GRAP2: variants seen among roughly 807,000 people sequenced by gnomAD.
GRAP2 encodes the protein GRB2 related adaptor protein 2.
A neutral mutation model predicts 43.5 loss-of-function variants in GRAP2; 31 were observed. The observed-to-expected ratio is 0.71, with a 90% CI of 0.54 to 0.96. The LOEUF is 0.96. Ranked by LOEUF, GRAP2 falls within the 40% of genes least tolerant of loss-of-function variation. The probability of loss-of-function intolerance (pLI) is 0.00; values close to 1 mark genes in which losing one functional copy is unlikely to be tolerated. For synonymous variants in GRAP2, 156 were observed against 164.8 expected (o/e 0.95, Z 0.41); for missense variants, 371 against 424.4 (o/e 0.87, Z 1.11).
intron 1 of GRAP2, among the ~76,000 whole-genome samples, chr22:39,944,773 C>G (rs1006713628): frequency 2.0e-5 from 3 of 152,232 alleles, no homozygotes; most frequent in Admixed American, 2.0e-4. Flanking sequence ...GAAAGATCTT[C>G]CCCAAATCAA....
At chr22:39,949,981 A>G (rs867401387) in intron 2 of GRAP2, among the ~76,000 whole-genome samples, 3 of 152,174 alleles carry the variant, frequency 2.0e-5, no homozygotes, top group African/African-American at 4.8e-5. Context: ...TTACCAATTG[A>G]TTGAGACTGA....
At chr22:39,966,200 G>A (rs773774988) in intron 5 of GRAP2, 42 bp downstream of exon 5, 26 of 1,552,294 alleles carry the variant, frequency 1.7e-5, no homozygotes, top group Non-Finnish European at 2.3e-5. Context: ...GAGATTTTAG[G>A]CAGCCTGAGT....
chr22:39,935,688 A>C (rs2066799757), intron 1 of GRAP2, among the ~76,000 whole-genome samples: 1 of 152,178 alleles, frequency 6.6e-6, no homozygotes. Flanking sequence ...TCACTTTTGC[A>C]AGCTTTGAGA....
chr22:39,927,407 G>A (rs2066715209), intron 1 of GRAP2, among the ~76,000 whole-genome samples: 1 of 152,230 alleles, frequency 6.6e-6, no homozygotes, highest in Non-Finnish European at 1.5e-5. Flanking sequence ...AGTGACGGGA[G>A]GAATTGCTCA....
Position 39,910,197 on chromosome 22 carries a change from C to T in GRAP2, c.-15+8867C>T, listed in dbSNP as rs1271059243. 4.6e-5 allele frequency among the ~76,000 whole-genome samples: 7 copies of T among 152,112 alleles called. 1 individual carries two copies. The highest frequency in any genetic ancestry group is 2.1e-4 in the South Asian group (1 of 4,824). On this transcript the variant is annotated intron_variant, in intron 1 of 7. Coordinates refer to ENST00000344138, the MANE Select transcript of GRAP2 (RefSeq NM_004810.4). ...AGTCACGGGACTCAGAACGGAGCAA[C>T]GCTCTCCAGGAGTGATCTGAGGATG...
chr22:39,908,783 T>C (rs2066539548), intron 1 of GRAP2, among the ~76,000 whole-genome samples: 1 of 152,186 alleles, frequency 6.6e-6, no homozygotes, highest in South Asian at 2.1e-4. Flanking sequence ...TCAGTCTTTT[T>C]GTGCTTCAAA....
intron 2 of GRAP2, among the ~76,000 whole-genome samples, chr22:39,954,180 A>G (rs2067020422): frequency 2.0e-5 from 3 of 152,166 alleles, no homozygotes; most frequent in Admixed American, 1.3e-4. Context: ...CTTCTTTATC[A>G]TCACACTTCT....
At chr22:39,918,905 C>A (rs1224483320) in intron 1 of GRAP2, among the ~76,000 whole-genome samples, 1 of 152,068 alleles carries the variant, frequency 6.6e-6, no homozygotes, top group Non-Finnish European at 1.5e-5. Context: ...AGTTAAAAGG[C>A]AATAAAGGCA....
chr22:39,941,674 C>T (rs2066872404), intron 1 of GRAP2, among the ~76,000 whole-genome samples: 2 of 152,166 alleles, frequency 1.3e-5, no homozygotes, highest in South Asian at 4.1e-4. Flanking sequence ...TATGGGAACC[C>T]TGCTATGCCC....
At chr22:39,948,569 T>C (rs1368189191) in intron 2 of GRAP2, 1 of 151,780 alleles carries the variant, frequency 6.6e-6, no homozygotes, top group Non-Finnish European at 1.5e-5. Flanking sequence ...CCAATCCAGC[T>C]CCTGATTTCT....
chr22:39,906,194 C>A (rs1268917056), intron 1 of GRAP2, among the ~76,000 whole-genome samples: 59 of 152,106 alleles, frequency 3.9e-4, no homozygotes, highest in Admixed American at 3.9e-3. Flanking sequence ...GGAGAAATTT[C>A]CTCTCATTTT....
intron 4 of GRAP2, chr22:39,964,263 C>T (rs1337823055): frequency 3.2e-6 from 2 of 620,334 alleles, no homozygotes; most frequent in Admixed American, 2.8e-5. Context: ...TTTTCTCTAG[C>T]CCTGGTTCGA....
intron 2 of GRAP2, among the ~76,000 whole-genome samples, chr22:39,953,527 C>T (rs1385492962): frequency 3.9e-5 from 6 of 152,304 alleles, no homozygotes; most frequent in African/African-American, 1.4e-4. Flanking sequence ...GGCCTGCGCT[C>T]ATCTTCCTGC....
intron 1 of GRAP2, among the ~76,000 whole-genome samples, chr22:39,925,289 T>G (rs752711529): frequency 9.2e-5 from 14 of 152,188 alleles, no homozygotes; most frequent in Non-Finnish European, 2.9e-5. Flanking sequence ...CAATGGGATG[T>G]CTCCATCATA....
At chr22:39,963,485 G>A (rs1209383715) in intron 4 of GRAP2, among the ~76,000 whole-genome samples, 1 of 152,186 alleles carries the variant, frequency 6.6e-6, no homozygotes, top group Non-Finnish European at 1.5e-5. Context: ...GAAGGATAAT[G>A]ACTTTGAGTT....
chr22:39,903,842 C>G (rs1053919542), intron 1 of GRAP2, among the ~76,000 whole-genome samples: 1 of 152,114 alleles, frequency 6.6e-6, no homozygotes, highest in African/African-American at 2.4e-5. Context: ...AAGCATTTTA[C>G]AAACATTTAT....
intron 1 of GRAP2, among the ~76,000 whole-genome samples, chr22:39,914,679 T>C (rs1191211578): frequency 1.3e-5 from 2 of 152,134 alleles, no homozygotes; most frequent in Admixed American, 6.5e-5. Flanking sequence ...TCCAACTAGA[T>C]TGCAACCAGA....
At chr22:39,917,033 C>T (rs1299285297) in intron 1 of GRAP2, among the ~76,000 whole-genome samples, 3 of 152,138 alleles carry the variant, frequency 2.0e-5, no homozygotes, top group African/African-American at 2.4e-5. Context: ...GGTGGAGCTT[C>T]CAATTGCTTC....
rs1191943476 is a variant in GRAP2 at position 39,924,135 on chromosome 22, C to T, written c.-15+22805C>T. Among the ~76,000 whole-genome samples, 3 of 152,192 alleles carry T rather than the reference C, an allele frequency of 2.0e-5. No individual in the cohort carries two copies. In the East Asian group the frequency reaches 5.8e-4, roughly 29 times the overall value. Reference sequence around the variant, plus strand: ...TTTAAATTTAGCAGAGTGATTATTCCTCCTGGTGGATTGCACATATGCTCC... The same window carrying T: ...TTTAAATTTAGCAGAGTGATTATTCTTCCTGGTGGATTGCACATATGCTCC... On this transcript the variant is annotated intron_variant, in intron 1 of 7. Transcript: ENST00000344138.
Sources: gnomAD v4.1 joint callset for allele counts (sites outside exome capture counted in the v4.1 genomes callset) on GRCh38, gnomAD v4.1.1 for gene constraint, MANE v1.5 for transcripts, NCBI Gene and HGNC (gene_info 2026-07-23, HGNC 2026-07-21) for gene names.